GALNT7: variants seen among roughly 807,000 people sequenced by gnomAD.
The protein encoded by GALNT7 is polypeptide N-acetylgalactosaminyltransferase 7.
GALNT7 carries 60 observed loss-of-function variants against 82.1 expected under a neutral mutation model. The observed-to-expected ratio is 0.73, with a 90% CI of 0.59 to 0.91. GALNT7 has a LOEUF of 0.91. Among genes scored for constraint, GALNT7 ranks in the 40% least tolerant of loss-of-function variants. The pLI, the probability that GALNT7 is intolerant of heterozygous loss-of-function variation, is 0.00. For missense variants in GALNT7, 660 were observed against 804.2 expected (o/e 0.82, Z 2.17); for synonymous variants, 243 against 275.1 (o/e 0.88, Z 1.15).
rs11731609 is a variant in GALNT7 at position 173,209,004 on chromosome 4, C to T, written c.127-38976C>T. On this transcript the variant is annotated intron_variant, in intron 1 of 11. Transcript: ENST00000265000. ...TGGTGGGTAGAATAGTTTAGAGATTCATCTTTTGTTCAAATGGTTAGCCAA... is the reference window on the plus strand; with the variant it reads ...TGGTGGGTAGAATAGTTTAGAGATTTATCTTTTGTTCAAATGGTTAGCCAA... Among the ~76,000 whole-genome samples, 5 of 152,224 alleles carry T rather than the reference C, an allele frequency of 3.3e-5. No homozygotes were observed. The South Asian group carries it at 8.3e-4, about 25-fold the overall frequency.
chr4:173,265,721 A>G (rs1460254188), intron 2 of GALNT7, among the ~76,000 whole-genome samples: 1 of 138,966 alleles, frequency 7.2e-6, no homozygotes, highest in East Asian at 2.3e-4. Flanking sequence ...CTCTGAAGCA[A>G]TATGGGATTG....
chr4:173,303,059 G>C (rs1189620757), intron 7 of GALNT7, among the ~76,000 whole-genome samples: 3 of 152,270 alleles, frequency 2.0e-5, no homozygotes, highest in Non-Finnish European at 2.9e-5. Context: ...GCCGGGTGTG[G>C]TGGTACACAC....
intron 1 of GALNT7, among the ~76,000 whole-genome samples, chr4:173,198,036 A>G (rs1732828517): frequency 1.3e-5 from 2 of 151,472 alleles, no homozygotes; most frequent in East Asian, 1.9e-4. Flanking sequence ...TGATGCAGCT[A>G]GCTTTACCTG....
rs1736557402 is a variant in GALNT7, at chr4:173,292,048, C to G, written c.588-60C>G. ...TAATCCAATCAGCAAATATAGTCAG[C>G]TTGGAGCCAAGCAGTATAGATTACC... On this transcript the variant is annotated intron_variant, in intron 2 of 11. Transcript: ENST00000265000. This position sits in a 1 kb window ranked among gnomAD's most constrained non-coding sequence, Gnocchi z 4.8. The G allele has an allele frequency of 8.8e-7, 1 of 1,136,520 alleles. No individual in the cohort carries two copies. The highest frequency in any genetic ancestry group is 2.0e-5 in the Admixed American group (1 of 49,556). 70.4% of individuals were successfully genotyped at this position (1,136,520 alleles called of 1,614,324 possible).
chr4:173,195,461 G>C (rs72993778), intron 1 of GALNT7, among the ~76,000 whole-genome samples: 4,875 of 152,228 alleles, frequency 0.032, 168 homozygotes, highest in Admixed American at 0.081. Flanking sequence ...CTTCTCTAAA[G>C]AAAACCTGAC....
chr4:173,287,441 A>G (rs1291788414), intron 2 of GALNT7, among the ~76,000 whole-genome samples: 2 of 152,248 alleles, frequency 1.3e-5, no homozygotes, highest in Non-Finnish European at 2.9e-5. Context: ...CTGAGGACTA[A>G]AGGAGATCCA....
rs374025654 is a variant in GALNT7, at chr4:173,183,639, A to G, written c.126+14678A>G. ...ATTCGACAAAACCGCCATCGTCATC[A>G]TGGCCCGTTCTCAATGAGCTGTTGG... On this transcript the variant is annotated intron_variant, in intron 1 of 11. Coordinates refer to ENST00000265000, the MANE Select transcript of GALNT7 (RefSeq NM_017423.3). Among the ~76,000 whole-genome samples, 136 of 152,262 alleles carry G rather than the reference A, an allele frequency of 8.9e-4. 4 individuals carry two copies. Among genetic ancestry groups the G allele is most frequent in the African/African-American group, 3.2e-3 (132 of 41,558 alleles).
chr4:173,269,491 A>G (rs1561182783), intron 2 of GALNT7, among the ~76,000 whole-genome samples: 1 of 152,168 alleles, frequency 6.6e-6, no homozygotes, highest in Non-Finnish European at 1.5e-5. Flanking sequence ...GGTCTTTTGC[A>G]CTGATTGGAA....
At chr4:173,189,379 C>T (rs1732554450) in intron 1 of GALNT7, among the ~76,000 whole-genome samples, 1 of 152,122 alleles carries the variant, frequency 6.6e-6, no homozygotes, top group Non-Finnish European at 1.5e-5. Context: ...TCCTTGACTC[C>T]AGTTATGAGT....
chr4:173,178,598 T>G (rs1732149457), intron 1 of GALNT7, among the ~76,000 whole-genome samples: 1 of 152,228 alleles, frequency 6.6e-6, no homozygotes, highest in Non-Finnish European at 1.5e-5. Context: ...GGAAGCATTT[T>G]CAGGCATCAC....
intron 1 of GALNT7, among the ~76,000 whole-genome samples, chr4:173,237,910 C>T (rs1380425715): frequency 1.3e-5 from 2 of 152,122 alleles, no homozygotes; most frequent in African/African-American, 2.4e-5. Context: ...TGAAAGTTCA[C>T]TCCAAAACAT....
chr4:173,243,567 A>C (rs1734506788), intron 1 of GALNT7, among the ~76,000 whole-genome samples: 1 of 152,182 alleles, frequency 6.6e-6, no homozygotes, highest in African/African-American at 2.4e-5. Flanking sequence ...TTTCCTCCTC[A>C]GGGGAGTAAA....
chr4:173,172,427 C>T (rs1731906858), intron 1 of GALNT7, among the ~76,000 whole-genome samples: 1 of 152,164 alleles, frequency 6.6e-6, no homozygotes, highest in Admixed American at 6.5e-5. Flanking sequence ...TGCTGGAGCC[C>T]ACTTGCCCAA....
chr4:173,291,933 C>A (rs1374792782), intron 2 of GALNT7, among the ~76,000 whole-genome samples, 175 bp from the exon 3 acceptor site: 2 of 152,102 alleles, frequency 1.3e-5, no homozygotes, highest in East Asian at 3.8e-4. Context: ...GTAACTTTAT[C>A]TCATAACAGC....
At chr4:173,217,795 C>T (rs904602691) in intron 1 of GALNT7, among the ~76,000 whole-genome samples, 4 of 152,138 alleles carry the variant, frequency 2.6e-5, no homozygotes, top group Non-Finnish European at 5.9e-5. Flanking sequence ...TGGTGAGAAA[C>T]AGATATTTTG....
chr4:173,175,889 ATGGTGAAACCC>A (rs1310711919), intron 1 of GALNT7, among the ~76,000 whole-genome samples: 3 of 152,196 alleles, frequency 2.0e-5, no homozygotes, highest in Non-Finnish European at 4.4e-5. Flanking sequence ...CCTGGCCAAC[ATGGTGAAACCC>A]TGTCTCTACT....
At chr4:173,213,935 A>C (rs1733360933) in intron 1 of GALNT7, among the ~76,000 whole-genome samples, 1 of 152,082 alleles carries the variant, frequency 6.6e-6, no homozygotes, top group African/African-American at 2.4e-5. Flanking sequence ...AGCACCTTTG[A>C]TTTTAGACTG....
At chr4:173,212,573 TAG>T (rs1181250258) in intron 1 of GALNT7, among the ~76,000 whole-genome samples, 2 of 151,208 alleles carry the variant, frequency 1.3e-5, no homozygotes, top group Non-Finnish European at 2.9e-5. Context: ...TCCACTCACA[TAG>T]AGATTCCCTT....
chr4:173,299,851 C>CA (rs537370642), intron 6 of GALNT7, among the ~76,000 whole-genome samples: 6,859 of 128,872 alleles, frequency 0.053, 187 homozygotes, highest in South Asian at 0.097. Flanking sequence ...GTCTCAAAAA[C>CA]AAAAAAAAAA....
Sources: allele counts gnomAD v4.1 joint callset (sites outside exome capture counted in the v4.1 genomes callset), GRCh38; gene constraint gnomAD v4.1.1; non-coding constraint Gnocchi (gnomAD v3.1); transcripts MANE v1.5; gene names NCBI Gene and HGNC (gene_info 2026-07-23, HGNC 2026-07-21).